The following TAFA2 variants were observed in gnomAD, a reference collection of about 807,000 sequenced individuals.
TAFA2 encodes the protein TAFA chemokine like family member 2.
In TAFA2, 7 loss-of-function variants were observed where a neutral mutation model predicts 18.8. The ratio of observed to expected loss-of-function variants is 0.37; its 90% CI spans 0.21 to 0.70. The LOEUF (loss-of-function observed/expected upper bound fraction) is 0.70, where lower values mean the gene tolerates loss of function less well. Ranked by LOEUF, TAFA2 falls within the 30% of genes least tolerant of loss-of-function variation. TAFA2 has a pLI of 0.53. For synonymous variants in TAFA2, 60 were observed against 54.2 expected (o/e 1.11, Z -0.47); for missense variants, 122 against 158.1 (o/e 0.77, Z 1.23).
At chr12:61,818,414 G>A (rs1872176261) in intron 2 of TAFA2, among the ~76,000 whole-genome samples, 1 of 151,824 alleles carries the variant, frequency 6.6e-6, no homozygotes, top group Non-Finnish European at 1.5e-5. Flanking sequence ...ACTACAATTA[G>A]TGGATTTTAA....
At chr12:62,078,691 G>A (rs1046747197) in intron 1 of TAFA2, among the ~76,000 whole-genome samples, 1 of 152,166 alleles carries the variant, frequency 6.6e-6, no homozygotes, top group Non-Finnish European at 1.5e-5. Context: ...TTAGCCCTTT[G>A]GGGAGCTGGC....
At chr12:62,096,912 T>G (rs1047765315) in intron 1 of TAFA2, among the ~76,000 whole-genome samples, 2 of 152,072 alleles carry the variant, frequency 1.3e-5, no homozygotes, top group Non-Finnish European at 2.9e-5. Flanking sequence ...ATGCCTGAAA[T>G]CACACAGCTC....
At chr12:61,896,439 A>G (rs1014072341) in intron 1 of TAFA2, among the ~76,000 whole-genome samples, 5 of 152,234 alleles carry the variant, frequency 3.3e-5, no homozygotes, top group African/African-American at 9.6e-5. Context: ...TAGATTGCAT[A>G]CAATTATCTC....
intron 1 of TAFA2, among the ~76,000 whole-genome samples, chr12:62,088,043 C>T (rs1285472316): frequency 6.6e-6 from 1 of 151,800 alleles, no homozygotes; most frequent in African/African-American, 2.4e-5. Flanking sequence ...CAACAGTATC[C>T]CAGTTTGAAG....
intron 2 of TAFA2, among the ~76,000 whole-genome samples, chr12:61,795,385 G>T (rs1463373158): frequency 6.6e-5 from 10 of 152,112 alleles, no homozygotes; most frequent in Admixed American, 6.6e-4. Flanking sequence ...ATACACCATG[G>T]AATACTATGC....
chr12:62,173,936 C>T (rs2062495327), intron 1 of TAFA2, among the ~76,000 whole-genome samples: 1 of 152,112 alleles, frequency 6.6e-6, no homozygotes, highest in South Asian at 2.1e-4. Flanking sequence ...TACCAGGAAC[C>T]TTAGATTTGG....
rs78048724 is a variant in TAFA2 at position 61,864,875 on chromosome 12, T to C, written c.106+2445A>G. Among the ~76,000 whole-genome samples the C allele has an allele frequency of 1.1e-4, 17 of 152,138 alleles. No homozygotes were observed. In the East Asian group the frequency reaches 1.9e-3, roughly 17 times the overall value. ...TGCTGTTGAGTTTCTAATATTCATC[T>C]GTATTATTTTTATCTTGAATGCTCA... is the stretch of plus-strand genomic sequence containing the variant. On this transcript the variant is annotated intron_variant, in intron 2 of 4. Transcript: ENST00000416284.
intron 1 of TAFA2, among the ~76,000 whole-genome samples, chr12:62,043,923 G>A (rs17125724): frequency 0.16 from 24,065 of 152,044 alleles, 2,075 homozygotes; most frequent in African/African-American, 0.21. Context: ...TAAAACAAAC[G>A]AGGGAAAGCA....
chr12:61,722,566 G>T (rs1204572207), intron 4 of TAFA2, among the ~76,000 whole-genome samples: 3 of 152,076 alleles, frequency 2.0e-5, no homozygotes, highest in Non-Finnish European at 4.4e-5. Flanking sequence ...TTGTTTTTCT[G>T]TTTTTAAGAA....
intron 1 of TAFA2, among the ~76,000 whole-genome samples, chr12:62,189,191 T>TC (rs111625171): frequency 0.01 from 1,517 of 148,732 alleles, 10 homozygotes; most frequent in African/African-American, 0.024. Context: ...GATTTTCACA[T>TC]AAAAAAAAAA....
intron 4 of TAFA2, among the ~76,000 whole-genome samples, chr12:61,729,046 T>C (rs11831961): frequency 0.28 from 42,716 of 151,272 alleles, 6,685 homozygotes; most frequent in South Asian, 0.38. Flanking sequence ...TTTTTTTTCA[T>C]TTAAGAAGGC....
intron 2 of TAFA2, among the ~76,000 whole-genome samples, chr12:61,851,975 A>AG (rs1565656417): frequency 2.0e-5 from 3 of 151,886 alleles, no homozygotes; most frequent in Non-Finnish European, 2.9e-5. Flanking sequence ...TGGGAGGCCG[A>AG]GGGGGGCAGA....
At chr12:61,931,096 A>G (rs778848248) in intron 1 of TAFA2, among the ~76,000 whole-genome samples, 2 of 152,190 alleles carry the variant, frequency 1.3e-5, no homozygotes, top group African/African-American at 2.4e-5. Context: ...CTTGCTTCTC[A>G]TGCCACCATC....
intron 1 of TAFA2, among the ~76,000 whole-genome samples, chr12:62,038,200 T>C (rs868500835): frequency 5.2e-4 from 79 of 152,258 alleles, no homozygotes; most frequent in African/African-American, 1.9e-3. Flanking sequence ...TTATAGTTAA[T>C]AATATTGTAT....
chr12:62,077,720 G>T (rs901437475), intron 1 of TAFA2, among the ~76,000 whole-genome samples: 1 of 152,026 alleles, frequency 6.6e-6, no homozygotes, highest in Admixed American at 6.6e-5. Flanking sequence ...TTGCCTGTCT[G>T]CCCCCAGAGT....
At chr12:62,202,821 CTTTTTT>C (rs71083986) in intron 1 of TAFA2, among the ~76,000 whole-genome samples, 9 of 61,632 alleles carry the variant, frequency 1.5e-4, no homozygotes, top group Admixed American at 2.4e-4. Context: ...CTGTGTGGTT[CTTTTTT>C]TTTTTTTTTT....
At chr12:62,034,390 A>G (rs867985808) in intron 1 of TAFA2, among the ~76,000 whole-genome samples, 1 of 152,204 alleles carries the variant, frequency 6.6e-6, no homozygotes, top group Admixed American at 6.5e-5. Context: ...GCCATTCTCT[A>G]TAAAAGTACT....
At chr12:61,944,373 C>A (rs1252667091) in intron 1 of TAFA2, among the ~76,000 whole-genome samples, 2 of 143,984 alleles carry the variant, frequency 1.4e-5, no homozygotes, top group African/African-American at 5.3e-5. Context: ...AAATTGACAC[C>A]CTAACATCAC....
chr12:61,846,269 T>C (rs988514815), intron 2 of TAFA2, among the ~76,000 whole-genome samples: 4 of 152,142 alleles, frequency 2.6e-5, no homozygotes, highest in Non-Finnish European at 5.9e-5. Flanking sequence ...ATCAAAAATA[T>C]TGTTGTTGTG....
Sources: gnomAD v4.1 joint callset for allele counts (sites outside exome capture counted in the v4.1 genomes callset) on GRCh38, gnomAD v4.1.1 for gene constraint, MANE v1.5 for transcripts, NCBI Gene and HGNC (gene_info 2026-07-23, HGNC 2026-07-21) for gene names.